The following HBP1 variants were observed in gnomAD, a reference collection of about 807,000 sequenced individuals.
HBP1 encodes HMG-box transcription factor 1, also known as HMG box-containing protein 1.
A neutral mutation model predicts 62.6 loss-of-function variants in HBP1; 20 were observed. The observed-to-expected ratio is 0.32, with a 90% confidence interval of 0.22 to 0.46. The LOEUF (loss-of-function observed/expected upper bound fraction) is 0.46, where lower values mean the gene tolerates loss of function less well. Ranked by LOEUF, HBP1 falls within the 20% of genes least tolerant of loss-of-function variation. The pLI is 1.00. For missense variants in HBP1, 480 were observed against 611.8 expected (o/e 0.78, Z 2.27); for synonymous variants, 232 against 206.2 (o/e 1.12, Z -1.07).
Position 107,171,073 on chromosome 7 carries a change from A to ATATTTTTTTT in HBP1, c.-16+1889_-16+1890insATTTTTTTTT. 2.5e-3 allele frequency among the ~76,000 whole-genome samples: 220 copies of ATATTTTTTTT among 87,198 alleles called. 21 individuals are homozygous for ATATTTTTTTT. Among genetic ancestry groups the ATATTTTTTTT allele is most frequent in the African/African-American group, 6.2e-3 (94 of 15,124 alleles). 57.2% of individuals were successfully genotyped at this position (87,198 alleles called of 152,430 possible). A position where few individuals can be genotyped will look rare whatever the true frequency, so the allele number is the denominator to read the frequency against. On this transcript the variant is annotated intron_variant, in intron 1 of 10. Coordinates refer to ENST00000222574, the MANE Select transcript of HBP1 (RefSeq NM_012257.4). ...TATATATATATATATATATATATAT[A>ATATTTTTTTT]TTTTTTTTTTTTTTTGAGAGGGAGT...
chr7:107,169,068 G>A lies in HBP1; in HGVS notation c.-133G>A. 4 of 1,288,230 alleles carry A rather than the reference G, an allele frequency of 3.1e-6. No homozygotes were observed. The highest frequency in any genetic ancestry group is 2.3e-5 in the Admixed American group (1 of 43,384). The allele number at this position is 1,288,230 out of a possible 1,614,324, so 79.8% of individuals were successfully genotyped here. Reference sequence around the variant, plus strand: ...TCGGTTGAGGAGTAAGAGCTGCCGCGGGAGCAGTAACCCGCGCGGGGGAGG... The same window carrying A: ...TCGGTTGAGGAGTAAGAGCTGCCGCAGGAGCAGTAACCCGCGCGGGGGAGG... On this transcript the variant is annotated 5_prime_UTR_variant, in exon 1 of 11. Transcript: ENST00000222574.
At chr7:107,171,073 A>ATATATATATATATATTTT in intron 1 of HBP1, among the ~76,000 whole-genome samples, 4 of 87,194 alleles carry the variant, frequency 4.6e-5, no homozygotes, top group African/African-American at 2.7e-4. Flanking sequence ...ATATATATAT[A>ATATATATATATATATTTT]TTTTTTTTTT....
At chr7:107,189,914 C>T (rs576760402) in intron 7 of HBP1, 15 of 314,192 alleles carry the variant, frequency 4.8e-5, no homozygotes, top group Middle Eastern at 8.9e-4. Flanking sequence ...TCATTGTAGA[C>T]GGATGGAAGT....
chr7:107,191,316 C>CT (rs1335755533), intron 8 of HBP1, among the ~76,000 whole-genome samples: 1 of 152,110 alleles, frequency 6.6e-6, no homozygotes, highest in Non-Finnish European at 1.5e-5. Flanking sequence ...CATATACACT[C>CT]TTTTTTGAAA....
intron 8 of HBP1, among the ~76,000 whole-genome samples, chr7:107,195,091 G>C (rs1021161985): frequency 3.9e-5 from 6 of 152,168 alleles, no homozygotes; most frequent in African/African-American, 1.4e-4. Flanking sequence ...CCCAGTTGGA[G>C]TGCAGTGCTG....
Position 107,195,898 on chromosome 7 carries a change from C to T in HBP1, c.1132C>T (p.Arg378Cys), listed in dbSNP as rs1452649288. The change falls in exon 9 of 11, where the codon CGT becomes TGT. Residue 378 changes from arginine (R) to cysteine (C), a missense_variant. Arg to Cys is a radical substitution (Grantham distance 180). Around this residue, in one of 4 missense-constraint regions of HBP1, gnomAD observed 58 missense variants for 128.5 expected, o/e 0.45. Transcript: ENST00000222574. ...GTTAAGTAGTATGGCTCGCCAGCGT[C>T]GTGCATCTTTGTCTTGTGGAGGACC... The part of the protein sequence containing the change: ...YVLSSMARQR[R>C]ASLSCGGPGG... The T allele has an allele frequency of 1.2e-6, 2 of 1,613,464 alleles. No individual in the cohort carries two copies. The highest frequency in any genetic ancestry group is 1.7e-6 in the Non-Finnish European group (2 of 1,179,484).
chr7:107,200,551 G>A (rs1168134970), intron 10 of HBP1: 2 of 318,626 alleles, frequency 6.3e-6, no homozygotes, highest in Non-Finnish European at 1.1e-5. Flanking sequence ...TCTAAACATT[G>A]AGTTGGAAAA....
intron 10 of HBP1, 81 bp downstream of exon 10, chr7:107,200,382 C>A: frequency 8.6e-7 from 1 of 1,159,454 alleles, no homozygotes; most frequent in Non-Finnish European, 1.2e-6. Context: ...GTTGTTACAA[C>A]CTTTAAGAGG....
intron 1 of HBP1, chr7:107,174,575 A>C (rs961074143): frequency 1.0e-6 from 1 of 985,328 alleles, no homozygotes; most frequent in African/African-American, 1.7e-5. Flanking sequence ...GGAAGAAAAA[A>C]GTTCTAGCTG....
At chr7:107,191,504 A>G (rs1027945749) in intron 8 of HBP1, among the ~76,000 whole-genome samples, 1 of 152,208 alleles carries the variant, frequency 6.6e-6, no homozygotes, top group Non-Finnish European at 1.5e-5. Flanking sequence ...ATTCTAGAGA[A>G]GTAAATTCTT....
chr7:107,186,153 TTTC>T (rs1206435313), intron 4 of HBP1, among the ~76,000 whole-genome samples: 9 of 144,038 alleles, frequency 6.2e-5, no homozygotes, highest in Admixed American at 5.5e-4. Flanking sequence ...GTGTCTTTTT[TTTC>T]TTTTTTTTTC....
At chr7:107,197,526 A>G (rs1797978547) in intron 9 of HBP1, among the ~76,000 whole-genome samples, 1 of 151,884 alleles carries the variant, frequency 6.6e-6, no homozygotes, top group Non-Finnish European at 1.5e-5. Flanking sequence ...GCGCCACTAC[A>G]CCCAGCTAAT....
chr7:107,196,728 A>C (rs978907609), intron 9 of HBP1: 3 of 159,832 alleles, frequency 1.9e-5, no homozygotes, highest in African/African-American at 7.2e-5. Flanking sequence ...AACTCACTGT[A>C]GCCTGTATCT....
At chr7:107,191,641 T>C (rs1003749328) in intron 8 of HBP1, among the ~76,000 whole-genome samples, 13 of 152,196 alleles carry the variant, frequency 8.5e-5, no homozygotes, top group Non-Finnish European at 1.6e-4. Flanking sequence ...TATAATCATA[T>C]AGTGGAATTA....
At chr7:107,187,561 G>GTA (rs1797454443) in intron 6 of HBP1, among the ~76,000 whole-genome samples, 1 of 152,096 alleles carries the variant, frequency 6.6e-6, no homozygotes, top group African/African-American at 2.4e-5. Flanking sequence ...TTTTGATCCT[G>GTA]CTATGTCTCA....
intron 1 of HBP1, among the ~76,000 whole-genome samples, chr7:107,174,169 G>A (rs547679488): frequency 5.9e-5 from 9 of 152,278 alleles, no homozygotes; most frequent in South Asian, 4.1e-4. Flanking sequence ...GGGACCGACC[G>A]TGAGTCTGAG....
chr7:107,187,479 A>C (rs2115910223), intron 6 of HBP1, among the ~76,000 whole-genome samples: 1 of 152,296 alleles, frequency 6.6e-6, no homozygotes, highest in East Asian at 1.9e-4. Flanking sequence ...TTTCACTTTG[A>C]AATTTTTAAT....
Position 107,200,172 on chromosome 7 carries a change from G to C in HBP1, c.1398G>C (p.Val466=). The C allele has an allele frequency of 6.2e-7, 1 of 1,605,364 alleles. No individual in the cohort carries two copies. Among genetic ancestry groups the C allele is most frequent in the Non-Finnish European group, 8.5e-7 (1 of 1,175,700 alleles). ...YPGKDNRAIS[V]ILGDRWKKMK... is the part of the protein sequence containing the mutation. The stretch of plus-strand genomic sequence containing the variant: ...ATTTATTTTACAGAGCCATAAGTGT[G>C]ATCCTTGGTGACAGGTGGAAGAAAA... The change falls in exon 10 of 11, where the codon GTG becomes GTC. Residue 466 remains valine, a synonymous_variant. Transcript: ENST00000222574.
intron 2 of HBP1, 137 bp from the exon 3 acceptor site, chr7:107,182,236 C>T (rs769999526): frequency 1.6e-6 from 1 of 611,844 alleles, no homozygotes; most frequent in Non-Finnish European, 2.9e-6. Flanking sequence ...AGTCTGTGAA[C>T]AGAATGTTAA....
Sources: allele counts gnomAD v4.1 joint callset (sites outside exome capture counted in the v4.1 genomes callset), GRCh38; gene constraint gnomAD v4.1.1; regional missense constraint gnomAD v4.1.1; transcripts MANE v1.5; gene names NCBI Gene and HGNC (gene_info 2026-07-23, HGNC 2026-07-21).